OSBPL10: variants seen among roughly 807,000 people sequenced by gnomAD.
The protein encoded by OSBPL10 is oxysterol binding protein like 10.
In OSBPL10, 49 loss-of-function variants were observed where a neutral mutation model predicts 81.7. The ratio of observed to expected loss-of-function variants is 0.60; its 90% CI spans 0.48 to 0.76. The LOEUF (loss-of-function observed/expected upper bound fraction) is 0.76, where lower values mean the gene tolerates loss of function less well. Among genes scored for constraint, OSBPL10 ranks in the 30% least tolerant of loss-of-function variants. OSBPL10 has a pLI of 0.00. For missense variants in OSBPL10, 923 were observed against 987.8 expected (o/e 0.93, Z 0.88); for synonymous variants, 419 against 383.6 (o/e 1.09, Z -1.08).
chr3:32,018,508 G>C (rs537237053), intron 2 of OSBPL10, among the ~76,000 whole-genome samples: 1 of 152,236 alleles, frequency 6.6e-6, no homozygotes, highest in South Asian at 2.1e-4. Flanking sequence ...AGCATAAAAG[G>C]GAAACCACAC....
intron 3 of OSBPL10, among the ~76,000 whole-genome samples, chr3:31,860,857 GTTT>G (rs68080421): frequency 0.039 from 4,245 of 108,244 alleles, 180 homozygotes; most frequent in African/African-American, 0.13. Flanking sequence ...GTTTTTTGGG[GTTT>G]TTTTTTTTGG....
chr3:31,852,717 T>C (rs1193244810), intron 3 of OSBPL10, among the ~76,000 whole-genome samples: 1 of 152,030 alleles, frequency 6.6e-6, no homozygotes, highest in African/African-American at 2.4e-5. Flanking sequence ...TAAGTGAGAC[T>C]ACAGGCACAC....
intron 7 of OSBPL10, among the ~76,000 whole-genome samples, chr3:31,697,513 C>T (rs759444372): frequency 6.6e-6 from 1 of 151,564 alleles, no homozygotes; most frequent in Non-Finnish European, 1.5e-5. Context: ...GCTGTTCAGG[C>T]CAGAAATAAA....
At chr3:32,014,533 C>A (rs1445471952) in intron 2 of OSBPL10, among the ~76,000 whole-genome samples, 1 of 152,090 alleles carries the variant, frequency 6.6e-6, no homozygotes, top group Non-Finnish European at 1.5e-5. Context: ...TGAAAACTGG[C>A]ACAAGACAGG....
At chr3:32,005,061 C>A (rs1699190895) in intron 2 of OSBPL10, among the ~76,000 whole-genome samples, 1 of 151,998 alleles carries the variant, frequency 6.6e-6, no homozygotes, top group Non-Finnish European at 1.5e-5. Flanking sequence ...TCACTCAACA[C>A]TTTTTTTTAT....
At chr3:31,805,303 A>G (rs1388070927) in intron 4 of OSBPL10, among the ~76,000 whole-genome samples, 1 of 152,170 alleles carries the variant, frequency 6.6e-6, no homozygotes, top group Non-Finnish European at 1.5e-5. Context: ...TGCACCTATT[A>G]CCAGAAATGC....
intron 6 of OSBPL10, among the ~76,000 whole-genome samples, chr3:31,731,650 A>G (rs1220449507): frequency 6.6e-6 from 1 of 151,832 alleles, no homozygotes; most frequent in Non-Finnish European, 1.5e-5. Context: ...CACCACGCCC[A>G]GCTAATTTTT....
At position 32,058,408 on chromosome 3, in the gene OSBPL10, AC is replaced by A. The variant is rs1348969212; in HGVS notation, n.186-11806del. Among the ~76,000 whole-genome samples, 10 of 152,128 alleles carry A rather than the reference AC, an allele frequency of 6.6e-5. No homozygotes were observed. In the East Asian group the frequency reaches 1.2e-3, roughly 18 times the overall value. On this transcript the variant is annotated intron_variant and non_coding_transcript_variant, in intron 1 of 3. Transcript: ENST00000479173. ...TGAGACATGACCTCGGCTCACTGCA[AC>A]CTCTGCCTCTTGGGTTCAAGCAATT...
At chr3:31,782,995 T>C (rs1397928861) in intron 4 of OSBPL10, among the ~76,000 whole-genome samples, 1 of 152,040 alleles carries the variant, frequency 6.6e-6, no homozygotes, top group East Asian at 1.9e-4. Flanking sequence ...CATGTATGTT[T>C]ATAGCAGCAC....
chr3:31,948,064 C>T (rs1312741919), intron 1 of OSBPL10, among the ~76,000 whole-genome samples: 1 of 152,178 alleles, frequency 6.6e-6, no homozygotes, highest in African/African-American at 2.4e-5. Context: ...CAGTCACCTC[C>T]AGGCTAGAGG....
Position 31,852,398 on chromosome 3 carries a change from T to A in OSBPL10, c.538-22167A>T, listed in dbSNP as rs13433876. ...CTCATGACAACCGCTTCACAACAAC[T>A]ATTATCCAGCCAAAAATGTCAATAG... On this transcript the variant is annotated intron_variant, in intron 3 of 11. Coordinates refer to ENST00000396556, the MANE Select transcript of OSBPL10 (RefSeq NM_017784.5). Among the ~76,000 whole-genome samples the A allele has an allele frequency of 7.7e-3, 1,166 of 152,170 alleles. 17 individuals carry two copies. The highest frequency in any genetic ancestry group is 0.027 in the African/African-American group (1,108 of 41,500).
intron 3 of OSBPL10, among the ~76,000 whole-genome samples, chr3:31,839,652 T>C (rs543599347): frequency 3.3e-5 from 5 of 152,090 alleles, no homozygotes; most frequent in South Asian, 2.1e-4. Context: ...GCATTCTACA[T>C]AGAATCTCAA....
In OSBPL10 at chr3:32,066,120, GAAGA is replaced by G. The variant is rs1418218339; in HGVS notation, n.185+11272_185+11275del. Among the ~76,000 whole-genome samples, 2 of 84,692 alleles carry G rather than the reference GAAGA, an allele frequency of 2.4e-5. 1 individual carries two copies. The highest frequency in any genetic ancestry group is 6.1e-5 in the African/African-American group (2 of 33,020). 55.6% of individuals were successfully genotyped at this position (84,692 alleles called of 152,430 possible). A position where few individuals can be genotyped will look rare whatever the true frequency, so the allele number is the denominator to read the frequency against. On this transcript the variant is annotated intron_variant and non_coding_transcript_variant, in intron 1 of 3. Coordinates refer to the OSBPL10 transcript ENST00000479173. Reference sequence around the variant, plus strand: ...AGCCTGGGCGACAGAGCAAGACCCTGAAGAAAGAGAGAGAGAAAGGGAAGAAAGG... The same window carrying G: ...AGCCTGGGCGACAGAGCAAGACCCTGAAGAGAGAGAGAAAGGGAAGAAAGG...
chr3:31,703,489 T>G (rs149430884), intron 6 of OSBPL10: 20 of 152,330 alleles, frequency 1.3e-4, no homozygotes, highest in African/African-American at 4.3e-4. Context: ...CTTGTCCAAA[T>G]GTCCATGCAA....
chr3:31,763,487 A>G (rs1002439343), intron 4 of OSBPL10, among the ~76,000 whole-genome samples: 1 of 152,174 alleles, frequency 6.6e-6, no homozygotes, highest in African/African-American at 2.4e-5. Context: ...TTTAATCTGG[A>G]TTTTATGGAA....
rs943178361 is a variant in OSBPL10 at position 31,838,813 on chromosome 3, G to A, written c.538-8582C>T. 3.3e-5 allele frequency among the ~76,000 whole-genome samples: 5 copies of A among 152,154 alleles called. No individual in the cohort carries two copies. The South Asian group carries it at 1.0e-3, about 32-fold the overall frequency. ...TAAGCTCATTAGAGCTAAACCACAT[G>A]GAGCTAATACTTTAAATTGTTTATA... On this transcript the variant is annotated intron_variant, in intron 3 of 11. Transcript: ENST00000396556.
intron 3 of OSBPL10, among the ~76,000 whole-genome samples, chr3:31,854,830 C>T (rs1156862680): frequency 6.6e-6 from 1 of 152,132 alleles, no homozygotes; most frequent in Non-Finnish European, 1.5e-5. Flanking sequence ...GCCTTTTCCC[C>T]TTAAATACCT....
intron 4 of OSBPL10, among the ~76,000 whole-genome samples, chr3:31,774,929 G>A (rs1698508835): frequency 6.6e-6 from 1 of 151,820 alleles, no homozygotes. Context: ...CACTTTGGGA[G>A]GCTGAGGTGG....
intron 4 of OSBPL10, among the ~76,000 whole-genome samples, chr3:31,787,063 C>T (rs1698877758): frequency 6.6e-6 from 1 of 152,210 alleles, no homozygotes; most frequent in African/African-American, 2.4e-5. Flanking sequence ...AAGTATTCTG[C>T]ACAATGCCTG....
Sources: gnomAD v4.1 joint callset for allele counts (sites outside exome capture counted in the v4.1 genomes callset) on GRCh38, gnomAD v4.1.1 for gene constraint, MANE v1.5 for transcripts, NCBI Gene and HGNC (gene_info 2026-07-23, HGNC 2026-07-21) for gene names.